Variants in ASH1L observed in about 807,000 individuals in gnomAD.
ASH1L encodes histone-lysine N-methyltransferase ASH1L.
A neutral mutation model predicts 269.0 loss-of-function variants in ASH1L; 23 were observed. That is an observed-to-expected ratio of 0.09 (90% CI 0.06 to 0.12). ASH1L has a LOEUF of 0.12. Ranked by LOEUF, ASH1L falls within the 10% of genes least tolerant of loss-of-function variation. The pLI is 1.00. For synonymous variants in ASH1L, 1,187 were observed against 1,253.5 expected (o/e 0.95, Z 1.12); for missense variants, 2,912 against 3,567.8 (o/e 0.82, Z 4.68).
At chr1:155,346,306 C>T (rs1440535685) in intron 21 of ASH1L, 77 bp downstream of exon 21, 4 of 1,560,938 alleles carry the variant, frequency 2.6e-6, no homozygotes, top group Non-Finnish European at 3.5e-6. Context: ...TTCTGCAAAG[C>T]AGGAGCAGGA....
chr1:155,478,102 C>G lies in ASH1L; in HGVS notation c.4768G>C (p.Gly1590Arg), dbSNP rs1177649673. Residue 1590 changes from glycine (G) to arginine (R), a missense_variant, in exon 3 of 28, where the codon GGA becomes CGA. This residue lies in a region of ASH1L where 789 missense variants were observed against 897.6 expected (regional missense o/e 0.88). Coordinates refer to ENST00000392403, the MANE Select transcript of ASH1L (RefSeq NM_018489.3). This position sits in a 1 kb window ranked among gnomAD's most constrained non-coding sequence, Gnocchi z 4.6. ...GCTGGCTCAGAGTTGGGAGTGAATCCTCCAAGGGATAAGCTTGGAGAACTT... is the reference window on the plus strand; with the variant it reads ...GCTGGCTCAGAGTTGGGAGTGAATCGTCCAAGGGATAAGCTTGGAGAACTT... ...SESSPSLSLG[G>R]FTPNSEPASS... is the part of the protein sequence containing the mutation. 1.9e-6 allele frequency: 3 copies of G among 1,614,090 alleles called. No homozygotes were observed. Among genetic ancestry groups the G allele is most frequent in the African/African-American group, 1.3e-5 (1 of 75,006 alleles).
chr1:155,414,993 G>A (rs564514773), intron 6 of ASH1L, among the ~76,000 whole-genome samples: 4 of 152,226 alleles, frequency 2.6e-5, no homozygotes, highest in African/African-American at 4.8e-5. Flanking sequence ...GGAACACAGC[G>A]TCCAATCAGT....
rs772780159 is a variant in ASH1L, at chr1:155,343,305, A to T, written c.8293+9T>A. On this transcript the variant is annotated intron_variant, in intron 24 of 27. Transcript: ENST00000392403. This position sits in a 1 kb window ranked among gnomAD's most constrained non-coding sequence, Gnocchi z 6.1. ...CGAGGTCATTTTTTAACTAGCCCAG[A>T]TCACTTACCTTTACAATACGTATAA... The T allele has an allele frequency of 2.5e-5, 41 of 1,608,270 alleles. No homozygotes were observed. Among genetic ancestry groups the T allele is most frequent in the Non-Finnish European group, 3.1e-5 (37 of 1,176,714 alleles).
chr1:155,378,445 T>G, intron 9 of ASH1L, 56 bp from the exon 10 acceptor site: 1 of 1,609,600 alleles, frequency 6.2e-7, no homozygotes, highest in African/African-American at 1.3e-5. Context: ...TTTCAAGTGC[T>G]AGGCTCAGAA....
In ASH1L at chr1:155,338,209, T is replaced by G; in HGVS notation, c.8683A>C (p.Thr2895Pro). 2 of 1,610,868 alleles carry G rather than the reference T, an allele frequency of 1.2e-6. No individual in the cohort carries two copies. The highest frequency in any genetic ancestry group is 1.7e-6 in the Non-Finnish European group (2 of 1,178,050). The change falls in exon 27 of 28, where the codon ACA (threonine) becomes CCA (proline). Residue 2895 changes from threonine (T) to proline (P), a missense_variant. By Grantham distance (38) the Thr-to-Pro change is conservative. This residue lies in a region of ASH1L where 154 missense variants were observed against 165.0 expected (regional missense o/e 0.93). Coordinates refer to ENST00000392403, the MANE Select transcript of ASH1L (RefSeq NM_018489.3). ...TGGGGTTCTTGACTACTTTCCTCTG[T>G]TTTTTTTTCACCCTCACTGACGTTA... Reference protein sequence around the residue: ...TANVSEGEKKTEESSQEPQST... With the variant: ...TANVSEGEKKPEESSQEPQST...
chr1:155,561,096 G>T lies in ASH1L; in HGVS notation c.-100+1057C>A, dbSNP rs570872002. Among the ~76,000 whole-genome samples, 877 of 151,588 alleles carry T rather than the reference G, an allele frequency of 5.8e-3. 7 individuals are homozygous for T. Among genetic ancestry groups the T allele is most frequent in the African/African-American group, 0.02 (823 of 41,326 alleles). On this transcript the variant is annotated intron_variant, in intron 1 of 27. Transcript: ENST00000392403. Reference sequence around the variant, plus strand: ...GTCACCAATTTAACATGCGGCCTTGGAGAAGTTCTCTCCTTATGCCTAAAT... The same window carrying T: ...GTCACCAATTTAACATGCGGCCTTGTAGAAGTTCTCTCCTTATGCCTAAAT...
intron 3 of ASH1L, among the ~76,000 whole-genome samples, chr1:155,467,358 C>T (rs1004983087): frequency 6.6e-6 from 1 of 152,174 alleles, no homozygotes; most frequent in Non-Finnish European, 1.5e-5. Context: ...AACCAGGAAA[C>T]CTGGCCTTAC....
chr1:155,352,076 C>T (rs1653976892), intron 17 of ASH1L, among the ~76,000 whole-genome samples: 1 of 151,824 alleles, frequency 6.6e-6, no homozygotes, highest in African/African-American at 2.4e-5. Context: ...GGCAATTTCA[C>T]TAGCAGAGTA....
chr1:155,530,845 G>A (rs1434158042), intron 1 of ASH1L, among the ~76,000 whole-genome samples: 5 of 152,086 alleles, frequency 3.3e-5, no homozygotes, highest in African/African-American at 4.8e-5. Flanking sequence ...CTAGGAGGTC[G>A]AGGCTGCAGT....
rs928860655 is a variant in ASH1L at position 155,351,686 on chromosome 1, T to C, written c.7366+1020A>G. Among the ~76,000 whole-genome samples the C allele has an allele frequency of 6.0e-5, 9 of 151,244 alleles. No individual in the cohort carries two copies. The East Asian group carries it at 1.8e-3, about 29-fold the overall frequency. ...CAATATGGTGAAACACTGTCTCTAC[T>C]AAAAAATACAAAACTTAGGCAGGTG... On this transcript the variant is annotated intron_variant, in intron 17 of 27. Coordinates refer to ENST00000392403, the MANE Select transcript of ASH1L (RefSeq NM_018489.3).
chr1:155,497,593 T>C (rs2148784233), intron 2 of ASH1L, among the ~76,000 whole-genome samples: 1 of 152,350 alleles, frequency 6.6e-6, no homozygotes, highest in South Asian at 2.1e-4. Context: ...TTAAGGCTTC[T>C]GGTCAACAGT....
Position 155,521,149 on chromosome 1 carries a change from T to C in ASH1L, c.371A>G (p.Lys124Arg). 3 of 1,610,674 alleles carry C rather than the reference T, an allele frequency of 1.9e-6. No individual in the cohort carries two copies. Among genetic ancestry groups the C allele is most frequent in the Non-Finnish European group, 1.7e-6 (2 of 1,179,268 alleles). Reference protein sequence around the residue: ...TTIKHPRKALKSGKMTDEKNE... With the variant: ...TTIKHPRKALRSGKMTDEKNE... Reference sequence around the variant, plus strand: ...CTTTTCATCCGTCATCTTTCCACTTTTAAGTGCTTTCCTTGGGTGCTTAAT... The same window carrying C: ...CTTTTCATCCGTCATCTTTCCACTTCTAAGTGCTTTCCTTGGGTGCTTAAT... The change falls in exon 2 of 28, where the codon AAA becomes AGA. Residue 124 changes from lysine (K) to arginine (R), a missense_variant. Physicochemically the swap from Lys to Arg is conservative, Grantham distance 26. Coordinates refer to ENST00000392403, the MANE Select transcript of ASH1L (RefSeq NM_018489.3).
At chr1:155,500,972 T>C (rs1667462551) in intron 2 of ASH1L, among the ~76,000 whole-genome samples, 1 of 149,786 alleles carries the variant, frequency 6.7e-6, no homozygotes, top group South Asian at 2.1e-4. Context: ...TGTCTCTAAA[T>C]AAAAAGAAAC....
intron 5 of ASH1L, among the ~76,000 whole-genome samples, chr1:155,425,277 GTTT>G (rs550440576): frequency 7.0e-5 from 9 of 129,240 alleles, no homozygotes; most frequent in Admixed American, 2.3e-4. Context: ...GCCCGGCCTA[GTTT>G]TTTTTTTTTT....
intron 25 of ASH1L, among the ~76,000 whole-genome samples, 158 bp downstream of exon 25, chr1:155,341,778 T>G (rs1253162019): frequency 6.6e-6 from 1 of 152,222 alleles, no homozygotes; most frequent in African/African-American, 2.4e-5. Context: ...AATGTACTTA[T>G]GCTGTTCAAA....
At position 155,453,600 on chromosome 1, in the gene ASH1L, A is replaced by G. The variant is rs113257675; in HGVS notation, c.5086+6197T>C. Among the ~76,000 whole-genome samples, 788 of 151,828 alleles carry G rather than the reference A, an allele frequency of 5.2e-3. 5 individuals carry two copies. Among genetic ancestry groups the G allele is most frequent in the African/African-American group, 0.018 (762 of 41,412 alleles). On this transcript the variant is annotated intron_variant, in intron 4 of 27. Transcript: ENST00000392403. ...GGATCACCTGAGGTCAGGAGTTCAA[A>G]ACCAGCCTGGCCAACATAGTGAAAC...
intron 2 of ASH1L, among the ~76,000 whole-genome samples, chr1:155,504,538 G>A (rs888893279): frequency 1.3e-5 from 2 of 151,992 alleles, no homozygotes; most frequent in Admixed American, 1.3e-4. Flanking sequence ...TAAAATAAAA[G>A]TCAGGTACTT....
At chr1:155,469,675 C>A (rs1664950057) in intron 3 of ASH1L, among the ~76,000 whole-genome samples, 1 of 152,170 alleles carries the variant, frequency 6.6e-6, no homozygotes, top group Admixed American at 6.5e-5. Context: ...TATTTCCAAC[C>A]TTATCCTTTT....
intron 6 of ASH1L, among the ~76,000 whole-genome samples, chr1:155,411,584 T>A (rs1221580689): frequency 3.3e-5 from 1 of 30,764 alleles, no homozygotes; most frequent in Non-Finnish European, 7.9e-5. Flanking sequence ...AATAAATAAA[T>A]AAATATATAT....
Sources: allele counts gnomAD v4.1 joint callset (sites outside exome capture counted in the v4.1 genomes callset), GRCh38; gene constraint gnomAD v4.1.1; regional missense constraint gnomAD v4.1.1; non-coding constraint Gnocchi (gnomAD v3.1); transcripts MANE v1.5; gene names NCBI Gene and HGNC (gene_info 2026-07-23, HGNC 2026-07-21).